ZNF804B: variants seen among roughly 807,000 people sequenced by gnomAD.
The protein encoded by ZNF804B is zinc finger 804B.
Under a neutral mutation model 101.4 loss-of-function variants are expected in ZNF804B, and 80 were observed. The ratio of observed to expected loss-of-function variants is 0.79; its 90% confidence interval spans 0.66 to 0.95. The LOEUF is 0.95. Among genes scored for constraint, ZNF804B ranks in the 40% least tolerant of loss-of-function variants. ZNF804B has a pLI of 0.00. For synonymous variants in ZNF804B, 622 were observed against 558.8 expected, an observed-to-expected ratio of 1.11 and a Z score of -1.59; for missense variants, 1,673 against 1,561.9, an observed-to-expected ratio of 1.07 and a Z score of -1.20.
chr7:88,829,502 G>T (rs1791100146), intron 1 of ZNF804B, among the ~76,000 whole-genome samples: 1 of 151,962 alleles, frequency 6.6e-6, no homozygotes, highest in Non-Finnish European at 1.5e-5. Context: ...GGGAAACTGA[G>T]AAAAATCGTT....
intron 1 of ZNF804B, among the ~76,000 whole-genome samples, chr7:89,159,403 T>A (rs541031612): frequency 6.9e-5 from 10 of 144,048 alleles, no homozygotes; most frequent in African/African-American, 2.3e-4. Flanking sequence ...ATGCTTGGCT[T>A]TACTTTTTTT....
At chr7:88,859,899 T>C (rs1309857523) in intron 1 of ZNF804B, among the ~76,000 whole-genome samples, 2 of 151,924 alleles carry the variant, frequency 1.3e-5, no homozygotes, top group Non-Finnish European at 2.9e-5. Flanking sequence ...TTAAAAAATA[T>C]AAATTTCCTT....
At chr7:88,918,797 G>T (rs1792675475) in intron 1 of ZNF804B, among the ~76,000 whole-genome samples, 1 of 152,060 alleles carries the variant, frequency 6.6e-6, no homozygotes, top group African/African-American at 2.4e-5. Flanking sequence ...GATTCTTCCT[G>T]ATTCTATAAT....
intron 1 of ZNF804B, among the ~76,000 whole-genome samples, chr7:89,030,650 C>T (rs1487781769): frequency 2.0e-5 from 3 of 152,042 alleles, no homozygotes; most frequent in Non-Finnish European, 4.4e-5. Flanking sequence ...TTTTAGAAAA[C>T]GGTGTTTTCC....
intron 2 of ZNF804B, among the ~76,000 whole-genome samples, chr7:89,316,599 A>C (rs1360439510): frequency 6.6e-6 from 1 of 152,142 alleles, no homozygotes; most frequent in Non-Finnish European, 1.5e-5. Flanking sequence ...TCACAACAAA[A>C]GATCACCTCT....
At chr7:89,111,555 A>G (rs1038070493) in intron 1 of ZNF804B, among the ~76,000 whole-genome samples, 2 of 152,086 alleles carry the variant, frequency 1.3e-5, no homozygotes, top group Admixed American at 6.5e-5. Context: ...AGTTTTTCAC[A>G]CTTTTTAGTT....
intron 2 of ZNF804B, among the ~76,000 whole-genome samples, chr7:89,325,230 A>T (rs969446340): frequency 2.6e-5 from 4 of 151,950 alleles, no homozygotes; most frequent in African/African-American, 9.7e-5. Flanking sequence ...CTCAGCACTG[A>T]CTAAACCAAA....
intron 1 of ZNF804B, among the ~76,000 whole-genome samples, chr7:89,004,055 CAAA>C (rs5885649): frequency 2.2e-4 from 25 of 112,134 alleles, no homozygotes; most frequent in Admixed American, 4.5e-4. Flanking sequence ...CCTGAATGAG[CAAA>C]AAAAAAAAAA....
chr7:88,813,520 G>A (rs990188825), intron 1 of ZNF804B, among the ~76,000 whole-genome samples: 4 of 151,622 alleles, frequency 2.6e-5, no homozygotes, highest in African/African-American at 9.7e-5. Context: ...TGTAGACTAA[G>A]GTTTCTTACT....
intron 1 of ZNF804B, among the ~76,000 whole-genome samples, chr7:88,796,062 G>A (rs1790478244): frequency 6.6e-6 from 1 of 152,036 alleles, no homozygotes; most frequent in Admixed American, 6.6e-5. Flanking sequence ...ATCTAATGGT[G>A]AATATATGAT....
chr7:88,876,819 T>C (rs1400009560), intron 1 of ZNF804B, among the ~76,000 whole-genome samples: 1 of 151,026 alleles, frequency 6.6e-6, no homozygotes, highest in Non-Finnish European at 1.5e-5. Context: ...AAAATCTTTA[T>C]AAGAGAATAT....
At chr7:88,802,108 C>G (rs1163695092) in intron 1 of ZNF804B, among the ~76,000 whole-genome samples, 1 of 152,046 alleles carries the variant, frequency 6.6e-6, no homozygotes, top group Non-Finnish European at 1.5e-5. Flanking sequence ...CCTGTGCTCG[C>G]TCCCTCCCGC....
At chr7:89,059,808 G>A (rs1789349881) in intron 1 of ZNF804B, among the ~76,000 whole-genome samples, 1 of 152,102 alleles carries the variant, frequency 6.6e-6, no homozygotes, top group Non-Finnish European at 1.5e-5. Flanking sequence ...TATTTTGGGT[G>A]TGTCTGTGAG....
At chr7:89,196,859 A>G (rs1350234592) in intron 1 of ZNF804B, among the ~76,000 whole-genome samples, 1 of 152,178 alleles carries the variant, frequency 6.6e-6, no homozygotes, top group Non-Finnish European at 1.5e-5. Context: ...CAACAAACAT[A>G]TGAAAAAAAG....
intron 1 of ZNF804B, among the ~76,000 whole-genome samples, chr7:89,023,022 A>G (rs926967853): frequency 3.3e-5 from 5 of 152,208 alleles, no homozygotes; most frequent in African/African-American, 1.2e-4. Context: ...CCTGACCCAT[A>G]CTTCTGATTT....
chr7:89,218,745 A>G (rs1280261090), intron 2 of ZNF804B, among the ~76,000 whole-genome samples: 1 of 152,150 alleles, frequency 6.6e-6, no homozygotes, highest in Non-Finnish European at 1.5e-5. Context: ...CATGTATTAT[A>G]TACTATATTA....
At chr7:88,808,925 G>A (rs1790732673) in intron 1 of ZNF804B, among the ~76,000 whole-genome samples, 1 of 152,114 alleles carries the variant, frequency 6.6e-6, no homozygotes, top group Admixed American at 6.5e-5. Flanking sequence ...TCAGCAACTG[G>A]GTTGAAATCC....
At chr7:89,182,164 T>C (rs909497771) in intron 1 of ZNF804B, among the ~76,000 whole-genome samples, 1 of 152,200 alleles carries the variant, frequency 6.6e-6, no homozygotes, top group African/African-American at 2.4e-5. Context: ...AAATCACTAA[T>C]TTTTATTCAT....
chr7:89,106,283 T>C (rs1212585824), intron 1 of ZNF804B, among the ~76,000 whole-genome samples: 1 of 152,194 alleles, frequency 6.6e-6, no homozygotes, highest in Non-Finnish European at 1.5e-5. Context: ...AGTCAACATG[T>C]GCTAAAAGCA....
Sources: allele counts gnomAD v4.1 joint callset (sites outside exome capture counted in the v4.1 genomes callset), GRCh38; gene constraint gnomAD v4.1.1; transcripts MANE v1.5; gene names NCBI Gene and HGNC (gene_info 2026-07-23, HGNC 2026-07-21).